DNAH8: variants seen among roughly 807,000 people sequenced by gnomAD.
The protein encoded by DNAH8 is axonemal beta dynein heavy chain 8.
DNAH8 carries 382 observed loss-of-function variants against 562.1 expected under a neutral mutation model. The ratio of observed to expected loss-of-function variants is 0.68; its 90% CI spans 0.63 to 0.74. DNAH8 has a LOEUF of 0.74. Among genes scored for constraint, DNAH8 ranks in the 30% least tolerant of loss-of-function variants. The pLI is 0.00. For missense variants in DNAH8, 5,203 were observed against 5,620.4 expected (o/e 0.93, Z 2.37); for synonymous variants, 1,881 against 1,919.4 (o/e 0.98, Z 0.52).
At chr6:38,906,475 A>T in intron 63 of DNAH8, 68 bp downstream of exon 63, 1 of 1,272,644 alleles carries the variant, frequency 7.9e-7, no homozygotes, top group Non-Finnish European at 1.0e-6. Flanking sequence ...TAGAAAAAGC[A>T]GCAACCTTTC....
chr6:38,837,291 G>A (rs1329172725), intron 32 of DNAH8, among the ~76,000 whole-genome samples: 2 of 152,074 alleles, frequency 1.3e-5, no homozygotes, highest in African/African-American at 4.8e-5. Context: ...AGGGTTCTCG[G>A]GAATATGCTG....
In DNAH8 at chr6:38,829,141, A is replaced by G. The variant is rs138445561; in HGVS notation, c.4188+853A>G. On this transcript the variant is annotated intron_variant, in intron 30 of 92. Transcript: ENST00000327475. ...TTGGTCATTTGTATATCTTATTTGG[A>G]GAGATGTGAATTTAAATCCTTTGCT... Among the ~76,000 whole-genome samples, 698 of 152,234 alleles carry G rather than the reference A, an allele frequency of 4.6e-3. 1 individual carries two copies. Among genetic ancestry groups the G allele is most frequent in the African/African-American group, 0.016 (652 of 41,538 alleles).
chr6:38,829,405 G>T (rs1773643525), intron 30 of DNAH8, among the ~76,000 whole-genome samples: 1 of 152,006 alleles, frequency 6.6e-6, no homozygotes, highest in African/African-American at 2.4e-5. Flanking sequence ...GGAAACCATT[G>T]CCCAATCTAG....
At chr6:38,951,685 G>T (rs969111600) in intron 82 of DNAH8, among the ~76,000 whole-genome samples, 165 bp downstream of exon 82, 1 of 151,922 alleles carries the variant, frequency 6.6e-6, no homozygotes, top group African/African-American at 2.4e-5. Flanking sequence ...TAAAGTGAGG[G>T]TATGATATAG....
At chr6:38,737,308 T>A in intron 6 of DNAH8, 52 bp downstream of exon 6, 1 of 1,125,814 alleles carries the variant, frequency 8.9e-7, no homozygotes, top group Non-Finnish European at 1.2e-6. Flanking sequence ...GCAAATTAAC[T>A]AAGATATTTC....
intron 88 of DNAH8, among the ~76,000 whole-genome samples, chr6:39,001,741 G>A (rs748094492): frequency 5.9e-5 from 9 of 152,164 alleles, no homozygotes; most frequent in Non-Finnish European, 1.2e-4. Flanking sequence ...AGGTTATGGG[G>A]AGTCTTCGAA....
chr6:38,748,778 A>ATAATAATAG (rs1329920787), intron 8 of DNAH8, among the ~76,000 whole-genome samples: 7 of 147,964 alleles, frequency 4.7e-5, no homozygotes, highest in Admixed American at 2.7e-4. Flanking sequence ...AATAATAATA[A>ATAATAATAG]TAATAATAAT....
intron 65 of DNAH8, 130 bp downstream of exon 65, chr6:38,909,874 G>T: frequency 1.2e-6 from 1 of 820,152 alleles, no homozygotes. Flanking sequence ...GATCTTTCTT[G>T]CTTTGATTTT....
intron 31 of DNAH8, 41 bp from the exon 32 acceptor site, chr6:38,834,538 A>G (rs1172374781): frequency 3.7e-6 from 5 of 1,357,050 alleles, no homozygotes; most frequent in Non-Finnish European, 4.1e-6. Flanking sequence ...ACAAATACAT[A>G]TGATTAAGAA....
chr6:38,763,622 TGGGCAAC>T, intron 11 of DNAH8: 1 of 175,652 alleles, frequency 5.7e-6, no homozygotes, highest in Non-Finnish European at 1.2e-5. Flanking sequence ...GAGACCAGCC[TGGGCAAC>T]ATGATGAAAC....
chr6:38,868,108 C>T lies in DNAH8; in HGVS notation c.6740C>T (p.Thr2247Ile). 4 of 1,613,672 alleles carry T rather than the reference C, an allele frequency of 2.5e-6. No individual in the cohort carries two copies. The highest frequency in any genetic ancestry group is 3.4e-6 in the Non-Finnish European group (4 of 1,179,712). ...AGAAATATTCTGTCTGTATTGAGGA[C>T]TCTTGGATCTCAAAAAAGAGCCAGA... is the stretch of plus-strand genomic sequence containing the variant. ...GLRNILSVLR[T>I]LGSQKRARPE... is the part of the protein sequence containing the mutation. Residue 2247 changes from threonine (T) to isoleucine (I), a missense_variant, in exon 48 of 93, where the codon ACT (threonine) becomes ATT (isoleucine). Transcript: ENST00000327475.
intron 8 of DNAH8, among the ~76,000 whole-genome samples, chr6:38,749,731 T>G (rs1189945385): frequency 6.6e-6 from 1 of 152,230 alleles, no homozygotes; most frequent in Non-Finnish European, 1.5e-5. Context: ...TCATAATCAG[T>G]TATTTAAGCA....
At chr6:38,738,606 C>T (rs1183870884) in intron 7 of DNAH8, among the ~76,000 whole-genome samples, 1 of 152,194 alleles carries the variant, frequency 6.6e-6, no homozygotes, top group Non-Finnish European at 1.5e-5. Context: ...TCTAGTTCAT[C>T]AGCACAGGAC....
intron 47 of DNAH8, 112 bp from the exon 48 acceptor site, chr6:38,867,950 C>G (rs541249002): frequency 1.8e-6 from 2 of 1,111,234 alleles, no homozygotes; most frequent in East Asian, 4.9e-5. Flanking sequence ...CTTAGTCACC[C>G]CAAAACTATC....
rs754064221 is a variant in DNAH8 at position 38,990,000 on chromosome 6, T to C, written c.13054-12T>C. 4 of 1,515,748 alleles carry C rather than the reference T, an allele frequency of 2.6e-6. No homozygotes were observed. In the South Asian group the frequency reaches 3.7e-5, roughly 14 times the overall value. 93.9% of individuals were successfully genotyped at this position (1,515,748 alleles called of 1,614,324 possible). A position where few individuals can be genotyped will look rare whatever the true frequency, so the allele number is the denominator to read the frequency against. On this transcript the variant is annotated splice_polypyrimidine_tract_variant and intron_variant, in intron 87 of 92. Transcript: ENST00000327475. Reference sequence around the variant, plus strand: ...CATCAATTTTATTTCTTTTGTTTTCTCTCACATACAGGTCTGGTTCAGTGA... The same window carrying C: ...CATCAATTTTATTTCTTTTGTTTTCCCTCACATACAGGTCTGGTTCAGTGA...
chr6:39,022,133 G>C (rs1766954855), intron 91 of DNAH8, among the ~76,000 whole-genome samples: 1 of 152,204 alleles, frequency 6.6e-6, no homozygotes, highest in Non-Finnish European at 1.5e-5. Flanking sequence ...GTATTGGGAG[G>C]AGGCTGGAGG....
At chr6:38,896,269 C>T in intron 60 of DNAH8, 44 bp downstream of exon 60, 5 of 1,472,770 alleles carry the variant, frequency 3.4e-6, no homozygotes, top group Non-Finnish European at 4.7e-6. Flanking sequence ...GATTGCTCAC[C>T]TGACTAGATC....
chr6:38,945,164 A>G (rs916924014), intron 79 of DNAH8, among the ~76,000 whole-genome samples: 4 of 152,206 alleles, frequency 2.6e-5, no homozygotes, highest in African/African-American at 7.2e-5. Context: ...TATCAAAATT[A>G]TAAGTTTTAG....
intron 82 of DNAH8, among the ~76,000 whole-genome samples, chr6:38,959,229 G>A (rs1361189181): frequency 6.6e-6 from 1 of 152,174 alleles, no homozygotes; most frequent in East Asian, 1.9e-4. Flanking sequence ...CAACAATGAT[G>A]CCTACTTTCA....
Sources: gnomAD v4.1 joint callset for allele counts (sites outside exome capture counted in the v4.1 genomes callset) on GRCh38, gnomAD v4.1.1 for gene constraint, MANE v1.5 for transcripts, NCBI Gene and HGNC (gene_info 2026-07-23, HGNC 2026-07-21) for gene names.